Variants in VPS41 observed in about 807,000 individuals in gnomAD.
VPS41 encodes the protein VPS41 subunit of HOPS complex.
VPS41 carries 85 observed loss-of-function variants against 130.9 expected under a neutral mutation model. The observed-to-expected ratio is 0.65, with a 90% CI of 0.55 to 0.78. The LOEUF (loss-of-function observed/expected upper bound fraction) is 0.78, where lower values mean the gene tolerates loss of function less well. Among genes scored for constraint, VPS41 ranks in the 30% least tolerant of loss-of-function variants. VPS41 has a pLI of 0.00. For missense variants in VPS41, 874 were observed against 1,018.7 expected (o/e 0.86, Z 1.93); for synonymous variants, 335 against 332.9 (o/e 1.01, Z -0.07).
intron 3 of VPS41, among the ~76,000 whole-genome samples, chr7:38,867,773 C>T (rs999468336): frequency 6.6e-5 from 10 of 152,046 alleles, no homozygotes; most frequent in Non-Finnish European, 1.2e-4. Flanking sequence ...TTAGTGACAA[C>T]TTTACCTAGG....
chr7:38,736,852 T>C (rs928764099), intron 25 of VPS41, among the ~76,000 whole-genome samples: 3 of 152,214 alleles, frequency 2.0e-5, no homozygotes, highest in East Asian at 1.9e-4. Flanking sequence ...CATTCACAAA[T>C]AGTTAAACCT....
At chr7:38,783,166 C>T (rs117557929) in intron 10 of VPS41, among the ~76,000 whole-genome samples, 5 of 152,042 alleles carry the variant, frequency 3.3e-5, no homozygotes, top group South Asian at 2.1e-4. Context: ...ATCAATTACA[C>T]GAGACAGTCT....
At chr7:38,864,548 T>C (rs1786186917) in intron 3 of VPS41, among the ~76,000 whole-genome samples, 1 of 152,152 alleles carries the variant, frequency 6.6e-6, no homozygotes, top group African/African-American at 2.4e-5. Flanking sequence ...ATATATACTC[T>C]TCAAAAAAAG....
chr7:38,754,790 G>C, intron 20 of VPS41, 38 bp from the exon 21 acceptor site: 1 of 1,598,548 alleles, frequency 6.3e-7, no homozygotes. Context: ...GGAGTCATGA[G>C]GACAGAAAGA....
Position 38,752,335 on chromosome 7 carries a change from C to G in VPS41, c.1789-22G>C, listed in dbSNP as rs746449803. 15 of 1,612,512 alleles carry G rather than the reference C, an allele frequency of 9.3e-6. No homozygotes were observed. In the South Asian group the frequency reaches 1.4e-4, roughly 15 times the overall value. On this transcript the variant is annotated intron_variant, in intron 21 of 28. Transcript: ENST00000310301. ...AATACTAAAAGGAACAAAAGATAAG[C>G]CGTGACCCATTAAAATGAGAAAAGC...
intron 13 of VPS41, 107 bp downstream of exon 13, chr7:38,772,415 G>A: frequency 1.3e-6 from 1 of 751,868 alleles, no homozygotes; most frequent in Non-Finnish European, 2.0e-6. Flanking sequence ...TTTTGGCTTG[G>A]GAAACTCTAC....
chr7:38,886,363 G>A (rs1035960801), intron 2 of VPS41, among the ~76,000 whole-genome samples: 9 of 152,204 alleles, frequency 5.9e-5, no homozygotes, highest in Non-Finnish European at 7.3e-5. Flanking sequence ...TGCCTGGCTC[G>A]GCAGGTACCA....
chr7:38,901,104 T>C (rs1032664170), intron 1 of VPS41, among the ~76,000 whole-genome samples: 25 of 152,210 alleles, frequency 1.6e-4, no homozygotes, highest in African/African-American at 5.5e-4. Context: ...TAAATTATGC[T>C]GTTTTCAAAG....
At chr7:38,890,391 G>C (rs1562625767) in intron 2 of VPS41, among the ~76,000 whole-genome samples, 1 of 152,188 alleles carries the variant, frequency 6.6e-6, no homozygotes, top group Non-Finnish European at 1.5e-5. Context: ...GCGGCAAGGA[G>C]TGGCTGTGAC....
At chr7:38,765,092 G>A (rs1392022097) in intron 16 of VPS41, among the ~76,000 whole-genome samples, 1 of 152,030 alleles carries the variant, frequency 6.6e-6, no homozygotes, top group Non-Finnish European at 1.5e-5. Context: ...ACAAATATAG[G>A]AATACTTTAT....
chr7:38,808,177 G>A (rs1330681136), intron 7 of VPS41, among the ~76,000 whole-genome samples: 1 of 152,046 alleles, frequency 6.6e-6, no homozygotes, highest in African/African-American at 2.4e-5. Context: ...AATACTCTGG[G>A]AGTCCTACAT....
intron 17 of VPS41, among the ~76,000 whole-genome samples, chr7:38,758,957 T>C (rs1783860884): frequency 1.3e-5 from 2 of 152,354 alleles, no homozygotes; most frequent in South Asian, 4.1e-4. Flanking sequence ...TCTTCCCACA[T>C]ACCTTGCCCT....
At chr7:38,817,985 G>A (rs1785092571) in intron 6 of VPS41, 103 bp from the exon 7 acceptor site, 4 of 868,506 alleles carry the variant, frequency 4.6e-6, no homozygotes, top group Non-Finnish European at 7.7e-6. Context: ...AAATTATCCT[G>A]AAACCTTGGT....
intron 25 of VPS41, among the ~76,000 whole-genome samples, chr7:38,736,764 C>G (rs760144131): frequency 6.6e-6 from 1 of 152,222 alleles, no homozygotes; most frequent in Non-Finnish European, 1.5e-5. Flanking sequence ...GGATGAGAAT[C>G]ATAATTGTAA....
chr7:38,797,199 G>A (rs1176651740), intron 7 of VPS41, among the ~76,000 whole-genome samples: 3 of 152,132 alleles, frequency 2.0e-5, no homozygotes, highest in Non-Finnish European at 4.4e-5. Flanking sequence ...GATTGTCCGG[G>A]AACTAATTTA....
At chr7:38,728,661 G>A in intron 26 of VPS41, 31 bp downstream of exon 26, 1 of 1,613,340 alleles carries the variant, frequency 6.2e-7, no homozygotes. Flanking sequence ...CAGGGCACGT[G>A]GTTCCATATG....
chr7:38,817,686 T>C lies in VPS41; in HGVS notation c.450+131A>G, dbSNP rs948636756. 9 of 803,538 alleles carry C rather than the reference T, an allele frequency of 1.1e-5. No homozygotes were observed. In the African/African-American group the frequency reaches 1.5e-4, roughly 14 times the overall value. 49.8% of individuals were successfully genotyped at this position (803,538 alleles called of 1,614,324 possible). A position where few individuals can be genotyped will look rare whatever the true frequency, so the allele number is the denominator to read the frequency against. ...CCCCAAGAGATGATGATCATCAGAT[T>C]TCATTACATTTGTCTTTCTCGAATT... On this transcript the variant is annotated intron_variant, in intron 7 of 28. Transcript: ENST00000310301.
intron 25 of VPS41, among the ~76,000 whole-genome samples, chr7:38,732,442 C>T (rs925337643): frequency 3.3e-5 from 5 of 151,956 alleles, no homozygotes; most frequent in Admixed American, 6.6e-5. Context: ...AAATATCTTC[C>T]CTCTTGAATA....
At chr7:38,876,029 G>A (rs1263485796) in intron 2 of VPS41, among the ~76,000 whole-genome samples, 3 of 152,156 alleles carry the variant, frequency 2.0e-5, no homozygotes, top group African/African-American at 4.8e-5. Flanking sequence ...TCAGCCAGAG[G>A]TGATTTTTGT....
Sources: gnomAD v4.1 joint callset for allele counts (sites outside exome capture counted in the v4.1 genomes callset) on GRCh38, gnomAD v4.1.1 for gene constraint, MANE v1.5 for transcripts, NCBI Gene and HGNC (gene_info 2026-07-23, HGNC 2026-07-21) for gene names.